Variants in ZNRF2 observed in about 807,000 individuals in gnomAD.
The protein encoded by ZNRF2 is E3 ubiquitin-protein ligase ZNRF2.
Under a neutral mutation model 20.4 loss-of-function variants are expected in ZNRF2, and 16 were observed. The ratio of observed to expected loss-of-function variants is 0.79; its 90% CI spans 0.53 to 1.19. The LOEUF is 1.19. Among genes scored for constraint, ZNRF2 ranks in the 50% most tolerant of loss-of-function variants. The pLI, the probability that ZNRF2 is intolerant of heterozygous loss-of-function variation, is 0.00. For missense variants in ZNRF2, 363 were observed against 332.4 expected (o/e 1.09, Z -0.72); for synonymous variants, 178 against 144.9 (o/e 1.23, Z -1.64).
intron 4 of ZNRF2, among the ~76,000 whole-genome samples, chr7:30,364,879 A>T (rs1800184525): frequency 6.6e-6 from 1 of 152,154 alleles, no homozygotes; most frequent in Non-Finnish European, 1.5e-5. Flanking sequence ...GGAAGCTGGG[A>T]AGTCTAAGAT....
chr7:30,310,572 A>G (rs1428054754), intron 1 of ZNRF2, among the ~76,000 whole-genome samples: 3 of 152,304 alleles, frequency 2.0e-5, no homozygotes, highest in East Asian at 3.9e-4. Context: ...TGAATTTCCT[A>G]TAATTTTCAC....
chr7:30,347,174 A>G (rs73687809), intron 2 of ZNRF2, among the ~76,000 whole-genome samples: 2,747 of 152,224 alleles, frequency 0.018, 88 homozygotes, highest in African/African-American at 0.062. Context: ...TCTCAGTTAT[A>G]TAATGTTACG....
chr7:30,343,230 A>T (rs887510355), intron 2 of ZNRF2, among the ~76,000 whole-genome samples: 5 of 152,066 alleles, frequency 3.3e-5, no homozygotes, highest in Non-Finnish European at 7.4e-5. Context: ...TGGGAGGATC[A>T]CTTGAGCCCA....
chr7:30,301,601 T>C (rs984436643), intron 1 of ZNRF2, among the ~76,000 whole-genome samples: 1 of 151,630 alleles, frequency 6.6e-6, no homozygotes, highest in Non-Finnish European at 1.5e-5. Flanking sequence ...GCACTGGGCA[T>C]GGTACTCTGA....
intron 2 of ZNRF2, among the ~76,000 whole-genome samples, chr7:30,331,888 G>A (rs1799640355): frequency 6.6e-6 from 1 of 152,140 alleles, no homozygotes; most frequent in African/African-American, 2.4e-5. Flanking sequence ...TTTAGCAGAT[G>A]TTTACTTTAT....
chr7:30,351,076 A>G (rs776003473), intron 2 of ZNRF2, among the ~76,000 whole-genome samples: 7 of 149,086 alleles, frequency 4.7e-5, no homozygotes, highest in South Asian at 2.1e-4. Context: ...TGCAATAACT[A>G]TATGGATATG....
chr7:30,339,036 T>G (rs1799757386), intron 2 of ZNRF2, among the ~76,000 whole-genome samples: 1 of 152,254 alleles, frequency 6.6e-6, no homozygotes, highest in Non-Finnish European at 1.5e-5. Flanking sequence ...TGATGAGCTT[T>G]CTTTCATATG....
chr7:30,294,199 T>C (rs1398801326), intron 1 of ZNRF2, among the ~76,000 whole-genome samples: 2 of 152,146 alleles, frequency 1.3e-5, no homozygotes, highest in African/African-American at 4.8e-5. Flanking sequence ...TTAATTTTGT[T>C]CTTTCTCTTA....
chr7:30,335,206 C>A (rs1434222191), intron 2 of ZNRF2, among the ~76,000 whole-genome samples: 1 of 152,046 alleles, frequency 6.6e-6, no homozygotes, highest in Non-Finnish European at 1.5e-5. Context: ...TTTATATTAG[C>A]CCTGCCTTTT....
chr7:30,301,299 A>G (rs534987816), intron 1 of ZNRF2, among the ~76,000 whole-genome samples: 46 of 152,288 alleles, frequency 3.0e-4, no homozygotes, highest in African/African-American at 1.0e-3. Flanking sequence ...CCTGGCCAAC[A>G]TGGTGAAACC....
intron 2 of ZNRF2, among the ~76,000 whole-genome samples, chr7:30,330,907 T>C (rs1017013354): frequency 6.6e-6 from 1 of 152,216 alleles, no homozygotes; most frequent in African/African-American, 2.4e-5. Flanking sequence ...TGTTCATTTA[T>C]GTACATTGGT....
At chr7:30,333,236 T>A (rs1378843742) in intron 2 of ZNRF2, among the ~76,000 whole-genome samples, 2 of 151,930 alleles carry the variant, frequency 1.3e-5, no homozygotes, top group Non-Finnish European at 2.9e-5. Context: ...GTAGTTTTAG[T>A]AGAGATGGAG....
chr7:30,325,404 A>AT (rs1213529307), intron 2 of ZNRF2, among the ~76,000 whole-genome samples: 1 of 152,208 alleles, frequency 6.6e-6, no homozygotes, highest in Non-Finnish European at 1.5e-5. Flanking sequence ...ATAGCAGTGA[A>AT]TGAACAGAAA....
At chr7:30,352,842 T>G (rs1380296065) in intron 2 of ZNRF2, among the ~76,000 whole-genome samples, 1 of 152,086 alleles carries the variant, frequency 6.6e-6, no homozygotes, top group Non-Finnish European at 1.5e-5. Flanking sequence ...TTGAAGATGC[T>G]TTAGTATCCT....
intron 3 of ZNRF2, 134 bp downstream of exon 3, chr7:30,355,967 C>T (rs1211262686): frequency 1.4e-5 from 8 of 578,730 alleles, no homozygotes; most frequent in Non-Finnish European, 2.4e-5. Context: ...ACTTAATGAT[C>T]TTTTTTCTCT....
At chr7:30,293,298 C>T (rs6970041) in intron 1 of ZNRF2, among the ~76,000 whole-genome samples, 1 of 147,538 alleles carries the variant, frequency 6.8e-6, no homozygotes, top group African/African-American at 2.5e-5. Flanking sequence ...ACCCAGGCTA[C>T]AGTGCAGTAG....
intron 1 of ZNRF2, among the ~76,000 whole-genome samples, chr7:30,286,191 T>C (rs1162227539): frequency 2.0e-5 from 3 of 152,144 alleles, no homozygotes; most frequent in Non-Finnish European, 4.4e-5. Flanking sequence ...AGGAGACCAG[T>C]TGCTAAATGT....
chr7:30,352,362 C>T (rs941845973), intron 2 of ZNRF2, among the ~76,000 whole-genome samples: 3 of 151,890 alleles, frequency 2.0e-5, no homozygotes, highest in Non-Finnish European at 4.4e-5. Flanking sequence ...TGAAAATGCA[C>T]CCATTGAAGT....
At chr7:30,287,708 G>C (rs1313654672) in intron 1 of ZNRF2, among the ~76,000 whole-genome samples, 3 of 151,694 alleles carry the variant, frequency 2.0e-5, no homozygotes, top group Admixed American at 2.0e-4. Flanking sequence ...GGGCCTAGTA[G>C]TACAGTGACA....
Sources: gnomAD v4.1 joint callset for allele counts (sites outside exome capture counted in the v4.1 genomes callset) on GRCh38, gnomAD v4.1.1 for gene constraint, MANE v1.5 for transcripts, NCBI Gene and HGNC (gene_info 2026-07-23, HGNC 2026-07-21) for gene names.